The following TENM4 variants were observed in gnomAD, a reference collection of about 807,000 sequenced individuals.
TENM4 encodes the protein teneurin-4.
Under a neutral mutation model 243.3 loss-of-function variants are expected in TENM4, and 82 were observed. The ratio of observed to expected loss-of-function variants is 0.34; its 90% CI spans 0.28 to 0.40. The LOEUF (loss-of-function observed/expected upper bound fraction) is 0.40, where lower values mean the gene tolerates loss of function less well. Ranked by LOEUF, TENM4 falls within the 10% of genes least tolerant of loss-of-function variation. TENM4 has a pLI of 1.00. For missense variants in TENM4, 3,138 were observed against 3,673.3 expected (o/e 0.85, Z 3.77); for synonymous variants, 1,412 against 1,456.3 (o/e 0.97, Z 0.69).
chr11:78,772,532 G>A (rs1856664327), intron 17 of TENM4, among the ~76,000 whole-genome samples: 1 of 152,094 alleles, frequency 6.6e-6, no homozygotes, highest in Non-Finnish European at 1.5e-5. Flanking sequence ...GCCACAAACT[G>A]GATCTTCTGC....
At chr11:79,060,910 T>C (rs761103204) in intron 6 of TENM4, among the ~76,000 whole-genome samples, 1 of 152,186 alleles carries the variant, frequency 6.6e-6, no homozygotes, top group Non-Finnish European at 1.5e-5. Context: ...CTGAGCCCTG[T>C]TCTGATGGTG....
chr11:79,052,482 T>C (rs531994996), intron 6 of TENM4, among the ~76,000 whole-genome samples: 1 of 152,330 alleles, frequency 6.6e-6, no homozygotes, highest in East Asian at 1.9e-4. Context: ...ACCCTTGTTT[T>C]ATGGGCTGAT....
intron 12 of TENM4, among the ~76,000 whole-genome samples, chr11:78,822,065 A>T (rs185504856): frequency 6.6e-6 from 1 of 152,216 alleles, no homozygotes; most frequent in Non-Finnish European, 1.5e-5. Flanking sequence ...GACCTAGGTG[A>T]TCTACAAAGT....
chr11:79,408,000 T>G (rs1565333947), intron 1 of TENM4, among the ~76,000 whole-genome samples: 2 of 152,094 alleles, frequency 1.3e-5, no homozygotes, highest in Non-Finnish European at 2.9e-5. Flanking sequence ...GTCTCCCAGG[T>G]TCAAGTGATT....
chr11:78,894,391 A>G (rs1945248), intron 7 of TENM4, among the ~76,000 whole-genome samples: 77,483 of 152,114 alleles, frequency 0.51, 23,957 homozygotes, highest in East Asian at 0.78. Context: ...TCAGAGAAAA[A>G]GACATAAAGG....
chr11:78,938,514 C>T (rs1856831179), intron 6 of TENM4, among the ~76,000 whole-genome samples: 1 of 152,090 alleles, frequency 6.6e-6, no homozygotes, highest in African/African-American at 2.4e-5. Flanking sequence ...CCCAGATTTG[C>T]ATTTCATAGT....
In TENM4 at chr11:78,901,379, G is replaced by C. The variant is rs148913399; in HGVS notation, c.749+1889C>G. On this transcript the variant is annotated intron_variant, in intron 7 of 33. Transcript: ENST00000278550. ...AATAAAGTATAAATAAAAAGAAAAA[G>C]CTGCATGTGTTTGAGCAATGGATGT... Among the ~76,000 whole-genome samples, 677 of 152,188 alleles carry C rather than the reference G, an allele frequency of 4.4e-3. 7 individuals carry two copies. The highest frequency in any genetic ancestry group is 0.016 in the African/African-American group (655 of 41,520).
intron 1 of TENM4, among the ~76,000 whole-genome samples, chr11:79,329,712 G>A (rs553496797): frequency 8.5e-5 from 13 of 152,326 alleles, no homozygotes; most frequent in African/African-American, 2.4e-4. Flanking sequence ...CCAGGAATAC[G>A]AAGAAGGCCA....
chr11:78,690,910 C>T (rs1399333882), intron 28 of TENM4, among the ~76,000 whole-genome samples: 1 of 152,206 alleles, frequency 6.6e-6, no homozygotes. Context: ...CTTGGACTGT[C>T]TATTTTCCTG....
chr11:78,947,648 C>T (rs80031497), intron 6 of TENM4, among the ~76,000 whole-genome samples: 2,337 of 152,336 alleles, frequency 0.015, 62 homozygotes, highest in African/African-American at 0.053. Flanking sequence ...TTAAGTATGG[C>T]TGTGCTGCTG....
intron 4 of TENM4, among the ~76,000 whole-genome samples, chr11:79,134,455 C>G (rs1055330215): frequency 6.6e-6 from 1 of 152,226 alleles, no homozygotes; most frequent in Non-Finnish European, 1.5e-5. Context: ...CAATTCCCAT[C>G]AAAATACTAC....
intron 12 of TENM4, among the ~76,000 whole-genome samples, chr11:78,828,853 A>C (rs1857915210): frequency 6.6e-6 from 1 of 152,284 alleles, no homozygotes; most frequent in Admixed American, 6.5e-5. Flanking sequence ...CTTTGGCAGC[A>C]GCAGGACTTT....
At chr11:79,141,290 CAG>C (rs1185083070) in intron 4 of TENM4, among the ~76,000 whole-genome samples, 6 of 151,942 alleles carry the variant, frequency 3.9e-5, no homozygotes, top group Non-Finnish European at 8.8e-5. Flanking sequence ...CAAATAAAAT[CAG>C]AGATGAAAAA....
At chr11:78,673,088 C>T (rs1341871880) in intron 30 of TENM4, among the ~76,000 whole-genome samples, 1 of 152,118 alleles carries the variant, frequency 6.6e-6, no homozygotes, top group Non-Finnish European at 1.5e-5. Context: ...TTTGCTCCTG[C>T]CTTCAGGATC....
intron 2 of TENM4, among the ~76,000 whole-genome samples, chr11:79,281,844 G>T (rs899117559): frequency 6.6e-6 from 1 of 152,194 alleles, no homozygotes; most frequent in Non-Finnish European, 1.5e-5. Flanking sequence ...CACAAAGCAG[G>T]TCCTTTAAGG....
At chr11:78,953,689 T>G (rs1857152240) in intron 6 of TENM4, among the ~76,000 whole-genome samples, 1 of 152,186 alleles carries the variant, frequency 6.6e-6, no homozygotes, top group African/African-American at 2.4e-5. Context: ...AATATAGAGA[T>G]GATTAAATTA....
intron 4 of TENM4, among the ~76,000 whole-genome samples, chr11:79,080,374 A>G (rs1385349036): frequency 1.3e-5 from 2 of 152,218 alleles, no homozygotes; most frequent in African/African-American, 4.8e-5. Context: ...CAAAAGAGCA[A>G]CTGACACAGA....
chr11:78,836,797 T>C (rs1276739541), intron 12 of TENM4, among the ~76,000 whole-genome samples: 1 of 152,184 alleles, frequency 6.6e-6, no homozygotes, highest in African/African-American at 2.4e-5. Flanking sequence ...ATGGTGGGCC[T>C]TCATGGCTAA....
chr11:78,777,924 TAA>T (rs1856769202), intron 17 of TENM4, among the ~76,000 whole-genome samples: 1 of 152,168 alleles, frequency 6.6e-6, no homozygotes, highest in African/African-American at 2.4e-5. Context: ...ACCACCCAAC[TAA>T]TGTAAATGTT....
Sources: gnomAD v4.1 joint callset for allele counts (sites outside exome capture counted in the v4.1 genomes callset) on GRCh38, gnomAD v4.1.1 for gene constraint, MANE v1.5 for transcripts, NCBI Gene and HGNC (gene_info 2026-07-23, HGNC 2026-07-21) for gene names.